The following ANKRD62 variants were observed in gnomAD, a reference collection of about 807,000 sequenced individuals.
ANKRD62 encodes ankyrin repeat domain-containing protein 62.
ANKRD62 carries 61 observed loss-of-function variants against 98.8 expected under a neutral mutation model. The observed-to-expected ratio is 0.62, with a 90% CI of 0.50 to 0.76. The LOEUF (loss-of-function observed/expected upper bound fraction) is 0.76. Among genes scored for constraint, ANKRD62 ranks in the 30% least tolerant of loss-of-function variants. The probability of loss-of-function intolerance (pLI) is 0.00; values close to 1 mark genes in which losing one functional copy is unlikely to be tolerated. For missense variants in ANKRD62, 933 were observed against 1,082.9 expected, an observed-to-expected ratio of 0.86 and a Z score of 1.94; for synonymous variants, 341 against 367.9, an observed-to-expected ratio of 0.93 and a Z score of 0.84.
At chr18:12,116,135 T>C (rs1300388523) in intron 10 of ANKRD62, among the ~76,000 whole-genome samples, 6 of 152,202 alleles carry the variant, frequency 3.9e-5, no homozygotes, top group Admixed American at 3.9e-4. Flanking sequence ...GTAAAGTGTA[T>C]AGTTTGATAA....
the ANKRD62 span, among the ~76,000 whole-genome samples, chr18:12,137,448 G>T: frequency 1.3e-5 from 2 of 152,120 alleles, no homozygotes; most frequent in Admixed American, 1.3e-4. Context: ...GATTCGGTTT[G>T]CCACTATTTT....
the ANKRD62 span, among the ~76,000 whole-genome samples, chr18:12,135,098 G>T: frequency 2.7e-5 from 4 of 150,590 alleles, no homozygotes; most frequent in South Asian, 2.1e-4. Flanking sequence ...ACGTGCAGGT[G>T]TGTTACATAT....
chr18:12,109,897 A>G lies in ANKRD62; in HGVS notation c.1064+2430A>G, dbSNP rs114254571. 1.7e-3 allele frequency among the ~76,000 whole-genome samples: 251 copies of G among 151,280 alleles called. 1 individual carries two copies. The highest frequency in any genetic ancestry group is 5.3e-3 in the African/African-American group (219 of 41,222). ...TCGATAAATGAATTACTGTCATTCA[A>G]TAAATGAATAGGTTTCGTTGTCATT... On this transcript the variant is annotated intron_variant, in intron 8 of 13. Coordinates refer to ENST00000587848, the MANE Select transcript of ANKRD62 (RefSeq NM_001277333.2).
the ANKRD62 span, among the ~76,000 whole-genome samples, chr18:12,139,440 C>T: frequency 0.61 from 93,173 of 151,752 alleles, 29,045 homozygotes; most frequent in Middle Eastern, 0.76. Flanking sequence ...GTCAGGAGAT[C>T]GAGACCATCC....
At chr18:12,109,971 A>AAC (rs1173477263) in intron 8 of ANKRD62, among the ~76,000 whole-genome samples, 1 of 137,832 alleles carries the variant, frequency 7.3e-6, no homozygotes, top group Non-Finnish European at 1.6e-5. Flanking sequence ...AAAAAAAAAA[A>AAC]CAGACAGACA....
chr18:12,152,997 C>T, the ANKRD62 span, among the ~76,000 whole-genome samples: 3 of 152,160 alleles, frequency 2.0e-5, no homozygotes, highest in Non-Finnish European at 4.4e-5. Flanking sequence ...ATAACTAGCA[C>T]TCTTATACAT....
At chr18:12,105,042 A>C (rs1271726063) in intron 7 of ANKRD62, among the ~76,000 whole-genome samples, 2 of 152,224 alleles carry the variant, frequency 1.3e-5, no homozygotes, top group Non-Finnish European at 2.9e-5. Flanking sequence ...TTATAGGTAC[A>C]TGATGAAAAA....
the ANKRD62 span, among the ~76,000 whole-genome samples, chr18:12,146,052 T>C: frequency 6.6e-6 from 1 of 151,960 alleles, no homozygotes; most frequent in Admixed American, 6.6e-5. Flanking sequence ...TTTGGGCGAC[T>C]TAGCCATTCC....
chr18:12,146,252 T>G, the ANKRD62 span, among the ~76,000 whole-genome samples: 2 of 152,200 alleles, frequency 1.3e-5, no homozygotes, highest in African/African-American at 4.8e-5. Flanking sequence ...CCACTGGTAT[T>G]CCTTGGCCGG....
At chr18:12,159,186 T>C in the ANKRD62 span, among the ~76,000 whole-genome samples, 3 of 152,296 alleles carry the variant, frequency 2.0e-5, no homozygotes, top group African/African-American at 7.2e-5. Context: ...TTGAGGTATC[T>C]AGGGAAGAAA....
At chr18:12,157,603 T>C in the ANKRD62 span, among the ~76,000 whole-genome samples, 1 of 152,216 alleles carries the variant, frequency 6.6e-6, no homozygotes, top group African/African-American at 2.4e-5. Context: ...AATTATCTGT[T>C]TCTCCTAGGG....
In ANKRD62 at chr18:12,094,185, G is replaced by A; in HGVS notation, c.168G>A (p.Glu56=). 1.3e-6 allele frequency: 2 copies of A among 1,532,022 alleles called. No individual in the cohort carries two copies. The highest frequency in any genetic ancestry group is 1.7e-6 in the Non-Finnish European group (2 of 1,146,274). The allele number at this position is 1,532,022 out of a possible 1,614,324, so 94.9% of individuals were successfully genotyped here. ...AIAGDVNKVM[E]SILLRLNDLN... The stretch of plus-strand genomic sequence containing the variant: ...CAGGTGATGTGAACAAGGTGATGGA[G>A]AGCATCTTGCTCAGGCTGAATGACT... Residue 56 remains glutamate (E), a synonymous_variant, in exon 1 of 14, where the codon GAG becomes GAA. Coordinates refer to ENST00000587848, the MANE Select transcript of ANKRD62 (RefSeq NM_001277333.2).
intron 3 of ANKRD62, 47 bp from the exon 4 acceptor site, chr18:12,096,149 G>A (rs1568057268): frequency 6.4e-6 from 8 of 1,248,978 alleles, no homozygotes; most frequent in African/African-American, 1.5e-5. Context: ...GTTCAGTTGG[G>A]AAGTATGTAA....
In ANKRD62 at chr18:12,107,456, C is replaced by A. The variant is rs1171180433; in HGVS notation, c.1053C>A (p.Gly351=). 6.7e-7 allele frequency: 1 copy of A among 1,499,330 alleles called. No homozygotes were observed. Among genetic ancestry groups the A allele is most frequent in the Admixed American group, 2.2e-5 (1 of 46,084 alleles). 92.9% of individuals were successfully genotyped at this position (1,499,330 alleles called of 1,614,324 possible). The stretch of plus-strand genomic sequence containing the variant: ...ATCAATCTCCTGGGAAGGAGAATGG[C>A]GAGTTTGATAGGTAATCCTGTAGCG... ...DNHQSPGKEN[G]EFDRLARKTS... The change falls in exon 8 of 14, where the codon GGC becomes GGA. Residue 351 remains glycine, a synonymous_variant. Coordinates refer to ENST00000587848, the MANE Select transcript of ANKRD62 (RefSeq NM_001277333.2).
chr18:12,168,511 A>C, the ANKRD62 span, among the ~76,000 whole-genome samples: 1 of 152,180 alleles, frequency 6.6e-6, no homozygotes, highest in African/African-American at 2.4e-5. Flanking sequence ...TTTTGGTACC[A>C]TTACCATGCT....
downstream of ANKRD62, among the ~76,000 whole-genome samples, chr18:12,131,977 A>G (rs1272446834): frequency 2.0e-5 from 3 of 152,066 alleles, no homozygotes; most frequent in Non-Finnish European, 4.4e-5. Context: ...TCAATTGTCA[A>G]TTTCTACAAA....
At chr18:12,127,073 C>T (rs1249696359) in intron 13 of ANKRD62, among the ~76,000 whole-genome samples, 1 of 152,138 alleles carries the variant, frequency 6.6e-6, no homozygotes, top group Non-Finnish European at 1.5e-5. Context: ...TTCAATTTTT[C>T]AGTCAAAAAT....
At chr18:12,170,252 CT>C in the ANKRD62 span, among the ~76,000 whole-genome samples, 2 of 152,166 alleles carry the variant, frequency 1.3e-5, no homozygotes, top group East Asian at 3.8e-4. Flanking sequence ...TTCCTGCTTT[CT>C]CTTGTGGGCA....
At chr18:12,122,210 G>A (rs1909796255) in intron 10 of ANKRD62, 93 bp from the exon 11 acceptor site, 1 of 872,860 alleles carries the variant, frequency 1.1e-6, no homozygotes, top group Non-Finnish European at 1.7e-6. Context: ...TTCATTCAGT[G>A]TATGAATGAG....
Sources: gnomAD v4.1 joint callset for allele counts (sites outside exome capture counted in the v4.1 genomes callset) on GRCh38, gnomAD v4.1.1 for gene constraint, MANE v1.5 for transcripts, NCBI Gene and HGNC (gene_info 2026-07-23, HGNC 2026-07-21) for gene names.